The following COQ8A variants were observed in gnomAD, a reference collection of about 807,000 sequenced individuals.
COQ8A encodes the protein coenzyme Q8A, also known as atypical kinase COQ8A, mitochondrial.
COQ8A carries 51 observed loss-of-function variants against 65.0 expected under a neutral mutation model. The ratio of observed to expected loss-of-function variants is 0.78; its 90% CI spans 0.63 to 0.99. COQ8A has a LOEUF of 0.99. Ranked by LOEUF, COQ8A falls within the 50% of genes least tolerant of loss-of-function variation. The probability of loss-of-function intolerance (pLI) is 0.00; values close to 1 mark genes in which losing one functional copy is unlikely to be tolerated. For missense variants in COQ8A, 940 were observed against 875.0 expected (o/e 1.07, Z -0.94); for synonymous variants, 371 against 353.2 (o/e 1.05, Z -0.57).
intron 4 of COQ8A, among the ~76,000 whole-genome samples, chr1:226,975,376 C>T (rs979500032): frequency 3.3e-5 from 5 of 152,268 alleles, no homozygotes; most frequent in Middle Eastern, 3.4e-3. Flanking sequence ...AGCCGCCAGC[C>T]GCACGGGGCC....
At chr1:226,983,957 C>G in intron 10 of COQ8A, 103 bp downstream of exon 10, 2 of 1,547,842 alleles carry the variant, frequency 1.3e-6, no homozygotes, top group South Asian at 1.1e-5. Flanking sequence ...GGGCAGAGGG[C>G]TGGGGTTGCA....
chr1:226,982,806 C>T (rs1254549169), intron 7 of COQ8A, 43 bp downstream of exon 7: 11 of 1,612,964 alleles, frequency 6.8e-6, no homozygotes, highest in Non-Finnish European at 9.3e-6. Context: ...GGCCTCGGCC[C>T]CCACTGGGTG....
At chr1:226,965,594 G>C in intron 3 of COQ8A, 77 bp from the exon 4 acceptor site, 1 of 1,552,948 alleles carries the variant, frequency 6.4e-7, no homozygotes, top group Non-Finnish European at 8.9e-7. Flanking sequence ...GAGGAGATGT[G>C]GGGGCAACAG....
chr1:226,953,793 C>T (rs1025903804), intron 1 of COQ8A, among the ~76,000 whole-genome samples: 4 of 152,118 alleles, frequency 2.6e-5, no homozygotes, highest in Non-Finnish European at 4.4e-5. Context: ...GGGAGTTGCC[C>T]GAGATGTTTG....
chr1:226,982,499 G>A (rs1184532144), intron 6 of COQ8A, 179 bp from the exon 7 acceptor site: 3 of 739,056 alleles, frequency 4.1e-6, no homozygotes, highest in African/African-American at 3.5e-5. Context: ...GGAGGCTGGG[G>A]CTCCCGGGAA....
At chr1:226,984,750 C>CA (rs1659973355) in intron 12 of COQ8A, 95 bp downstream of exon 12, 1 of 1,499,992 alleles carries the variant, frequency 6.7e-7, no homozygotes, top group African/African-American at 1.4e-5. Flanking sequence ...CTGGGAAAGT[C>CA]AGCAGAGAGC....
intron 2 of COQ8A, among the ~76,000 whole-genome samples, chr1:226,963,319 C>T (rs1179170076): frequency 1.3e-5 from 2 of 152,252 alleles, no homozygotes; most frequent in East Asian, 3.9e-4. Flanking sequence ...TCTCCCTTCT[C>T]GCGAGGGGAG....
intron 1 of COQ8A, among the ~76,000 whole-genome samples, chr1:226,955,334 C>CCCTGGCTCCCGCTTTT (rs1657621416): frequency 6.6e-6 from 1 of 151,860 alleles, no homozygotes; most frequent in Non-Finnish European, 1.5e-5. Flanking sequence ...CTCCCACTCT[C>CCCTGGCTCCCGCTTTT]CCTGGCTCCC....
At chr1:226,954,834 A>T (rs1325946275) in intron 1 of COQ8A, among the ~76,000 whole-genome samples, 1 of 152,136 alleles carries the variant, frequency 6.6e-6, no homozygotes, top group Non-Finnish European at 1.5e-5. Flanking sequence ...CCTGTGGCTG[A>T]TATCCGACTG....
chr1:226,947,719 C>G (rs1245244649), intron 1 of COQ8A, among the ~76,000 whole-genome samples: 3 of 152,034 alleles, frequency 2.0e-5, no homozygotes, highest in African/African-American at 7.2e-5. Context: ...TCACCTGTGC[C>G]TGGGGAGGTT....
At chr1:226,966,532 G>A (rs2802277) in intron 4 of COQ8A, among the ~76,000 whole-genome samples, 37,619 of 152,026 alleles carry the variant, frequency 0.25, 4,996 homozygotes, top group East Asian at 0.4. Flanking sequence ...GGTTCTCCAG[G>A]TGATATAATT....
intron 4 of COQ8A, among the ~76,000 whole-genome samples, chr1:226,974,656 G>A (rs1359983875): frequency 6.6e-6 from 1 of 152,212 alleles, no homozygotes; most frequent in Admixed American, 6.5e-5. Flanking sequence ...GTTCACTGGT[G>A]CAGGAGCTCG....
intron 4 of COQ8A, among the ~76,000 whole-genome samples, chr1:226,973,287 A>AG (rs1176998497): frequency 6.6e-6 from 1 of 152,218 alleles, no homozygotes; most frequent in Non-Finnish European, 1.5e-5. Context: ...TTGCCTTCTC[A>AG]GGAGCCTCCT....
At chr1:226,983,460 C>A in intron 8 of COQ8A, 92 bp from the exon 9 acceptor site, 1 of 1,226,644 alleles carries the variant, frequency 8.2e-7, no homozygotes, top group Non-Finnish European at 1.2e-6. Flanking sequence ...CAGGACACAG[C>A]TGGGAAGCCA....
intron 1 of COQ8A, among the ~76,000 whole-genome samples, chr1:226,952,620 C>T (rs553955462): frequency 8.5e-5 from 13 of 152,202 alleles, no homozygotes; most frequent in Admixed American, 5.9e-4. Context: ...CTGTGTTTCC[C>T]GGGTTGGTCT....
chr1:226,976,962 A>G (rs1221361126), intron 4 of COQ8A, among the ~76,000 whole-genome samples: 1 of 152,160 alleles, frequency 6.6e-6, no homozygotes, highest in Non-Finnish European at 1.5e-5. Context: ...AGTGCTTTGT[A>G]TGCCTGTGGC....
At chr1:226,984,379 G>T in intron 11 of COQ8A, 144 bp downstream of exon 11, 1 of 1,352,606 alleles carries the variant, frequency 7.4e-7, no homozygotes, top group South Asian at 1.2e-5. Context: ...GTGGGACTTA[G>T]GGGGACACAG....
chr1:226,980,638 C>T (rs937102749), intron 5 of COQ8A, among the ~76,000 whole-genome samples: 2 of 152,324 alleles, frequency 1.3e-5, no homozygotes, highest in Middle Eastern at 3.4e-3. Context: ...CTCTTGGACT[C>T]GCTCTGCCCA....
At chr1:226,956,586 A>ACT (rs772448673) in intron 1 of COQ8A, among the ~76,000 whole-genome samples, 1 of 28,896 alleles carries the variant, frequency 3.5e-5, no homozygotes. Context: ...CCTGGCTCCC[A>ACT]CTCCCTGGTT....
Sources: gnomAD v4.1 joint callset for allele counts (sites outside exome capture counted in the v4.1 genomes callset) on GRCh38, gnomAD v4.1.1 for gene constraint, MANE v1.5 for transcripts, NCBI Gene and HGNC (gene_info 2026-07-23, HGNC 2026-07-21) for gene names.